KIAA1217: variants seen among roughly 807,000 people sequenced by gnomAD.
KIAA1217 encodes KIAA1217, also known as sickle tail protein homolog.
A neutral mutation model predicts 163.9 loss-of-function variants in KIAA1217; 88 were observed. That is an observed-to-expected ratio of 0.54 (90% confidence interval 0.45 to 0.64). The LOEUF (loss-of-function observed/expected upper bound fraction) is 0.64. Ranked by LOEUF, KIAA1217 falls within the 30% of genes least tolerant of loss-of-function variation. KIAA1217 has a pLI of 0.00. For synonymous variants in KIAA1217, 903 were observed against 923.1 expected (o/e 0.98, Z 0.39); for missense variants, 2,372 against 2,475.0 (o/e 0.96, Z 0.88).
chr10:24,372,131 G>A (rs60704280), intron 2 of KIAA1217, among the ~76,000 whole-genome samples: 2 of 151,960 alleles, frequency 1.3e-5, no homozygotes, highest in Non-Finnish European at 2.9e-5. Flanking sequence ...GGGTTTGGTC[G>A]AGGTTCTGCT....
chr10:23,858,194 G>A (rs1244455818), intron 1 of KIAA1217, among the ~76,000 whole-genome samples: 1 of 152,042 alleles, frequency 6.6e-6, no homozygotes, highest in East Asian at 1.9e-4. Context: ...AATCCTGCCA[G>A]GTCTCAGTTT....
chr10:24,008,907 A>G (rs754035427), intron 2 of KIAA1217, among the ~76,000 whole-genome samples: 17 of 152,176 alleles, frequency 1.1e-4, no homozygotes, highest in Non-Finnish European at 1.9e-4. Context: ...GACTACCATA[A>G]ATAACCTGTG....
intron 1 of KIAA1217, among the ~76,000 whole-genome samples, chr10:23,730,390 G>A (rs374238581): frequency 2.3e-4 from 35 of 152,108 alleles, no homozygotes; most frequent in Non-Finnish European, 3.5e-4. Flanking sequence ...ACTGTTTGGC[G>A]AATACCGTAC....
At position 24,526,242 on chromosome 10, in the gene KIAA1217, G is replaced by A. The variant is rs528075233; in HGVS notation, c.2898+1478G>A. Among the ~76,000 whole-genome samples, 21 of 152,130 alleles carry A rather than the reference G, an allele frequency of 1.4e-4. No homozygotes were observed. The South Asian group carries it at 3.3e-3, about 24-fold the overall frequency. ...TGGCAAAACTGCCACAGCCACGGTC[G>A]CAGCCTCGGGGCCTCTGAACACTAG... On this transcript the variant is annotated intron_variant, in intron 13 of 20. Coordinates refer to ENST00000376454, the MANE Select transcript of KIAA1217 (RefSeq NM_019590.5).
intron 2 of KIAA1217, among the ~76,000 whole-genome samples, chr10:24,070,874 A>G (rs2131627945): frequency 6.6e-6 from 1 of 152,314 alleles, no homozygotes; most frequent in Middle Eastern, 3.4e-3. Context: ...TATTCAGAAC[A>G]TGTATATGGA....
At chr10:23,981,327 C>T (rs1487621709) in intron 1 of KIAA1217, among the ~76,000 whole-genome samples, 1 of 152,132 alleles carries the variant, frequency 6.6e-6, no homozygotes, top group Non-Finnish European at 1.5e-5. Flanking sequence ...TTAACAGCTT[C>T]ATCTCTGAGT....
chr10:24,098,261 G>A (rs1324666752), intron 2 of KIAA1217, among the ~76,000 whole-genome samples: 1 of 152,080 alleles, frequency 6.6e-6, no homozygotes, highest in African/African-American at 2.4e-5. Flanking sequence ...AGTTAGGTGT[G>A]AGCTGAGATT....
chr10:24,222,242 T>C (rs1251183275), intron 2 of KIAA1217, among the ~76,000 whole-genome samples: 1 of 152,228 alleles, frequency 6.6e-6, no homozygotes, highest in Non-Finnish European at 1.5e-5. Context: ...AGTTCTGCCA[T>C]GGCTGGCCAG....
chr10:24,132,798 G>C (rs1435476553), intron 2 of KIAA1217, among the ~76,000 whole-genome samples: 1 of 152,194 alleles, frequency 6.6e-6, no homozygotes, highest in Non-Finnish European at 1.5e-5. Flanking sequence ...AAAGACACCG[G>C]ATGAGGCTGG....
chr10:24,471,081 T>G (rs1564740760), intron 5 of KIAA1217, among the ~76,000 whole-genome samples: 1 of 152,230 alleles, frequency 6.6e-6, no homozygotes, highest in Non-Finnish European at 1.5e-5. Flanking sequence ...TGAATTTTTG[T>G]GATAAAGAAG....
intron 1 of KIAA1217, among the ~76,000 whole-genome samples, chr10:23,862,267 A>C (rs766146780): frequency 2.0e-4 from 31 of 152,278 alleles, no homozygotes; most frequent in South Asian, 4.1e-4. Flanking sequence ...AATATGAATA[A>C]ACATGAACCT....
intron 1 of KIAA1217, among the ~76,000 whole-genome samples, chr10:24,209,774 G>T (rs1342598496): frequency 6.6e-6 from 1 of 152,184 alleles, no homozygotes; most frequent in Non-Finnish European, 1.5e-5. Context: ...GCAGGGGAGG[G>T]CTTGAGCATC....
intron 1 of KIAA1217, among the ~76,000 whole-genome samples, chr10:23,789,707 C>T (rs983603445): frequency 6.6e-6 from 1 of 151,824 alleles, no homozygotes; most frequent in African/African-American, 2.4e-5. Flanking sequence ...CTCATAATTG[C>T]GCTGACTCTG....
chr10:24,116,430 T>C (rs2063057557), intron 2 of KIAA1217, among the ~76,000 whole-genome samples: 1 of 152,102 alleles, frequency 6.6e-6, no homozygotes, highest in Non-Finnish European at 1.5e-5. Context: ...ACTCTGCCGT[T>C]GTGGCAGGAA....
intron 17 of KIAA1217, among the ~76,000 whole-genome samples, chr10:24,540,163 T>C (rs565157418): frequency 4.5e-4 from 69 of 152,356 alleles, no homozygotes; most frequent in African/African-American, 1.7e-3. Flanking sequence ...TTTATCCTAG[T>C]GACTTTCCAT....
At chr10:23,869,771 C>G (rs1840372084) in intron 1 of KIAA1217, among the ~76,000 whole-genome samples, 1 of 152,060 alleles carries the variant, frequency 6.6e-6, no homozygotes, top group Admixed American at 6.6e-5. Context: ...TGATTGATTT[C>G]ATTATTTGTG....
rs113844185 is a variant in KIAA1217, at chr10:24,108,735, G to A, written c.-171+101361G>A. Among the ~76,000 whole-genome samples the A allele has an allele frequency of 6.4e-4, 98 of 152,226 alleles. 1 individual carries two copies. Among genetic ancestry groups the A allele is most frequent in the African/African-American group, 2.1e-3 (89 of 41,522 alleles). On this transcript the variant is annotated intron_variant, in intron 2 of 18. Transcript: ENST00000376462. Reference sequence around the variant, plus strand: ...TTCAATCATGCCAAGATCTAAATATGGCCCCTCAATTGGAAAGTAGATGGG... The same window carrying A: ...TTCAATCATGCCAAGATCTAAATATAGCCCCTCAATTGGAAAGTAGATGGG...
intron 2 of KIAA1217, among the ~76,000 whole-genome samples, chr10:24,087,708 C>T (rs984167764): frequency 2.0e-5 from 3 of 152,182 alleles, no homozygotes; most frequent in Non-Finnish European, 4.4e-5. Flanking sequence ...TACAGTCTAG[C>T]CCATGAAGAA....
intron 3 of KIAA1217, among the ~76,000 whole-genome samples, chr10:24,409,605 A>G (rs997083473): frequency 1.3e-5 from 2 of 152,156 alleles, no homozygotes; most frequent in Admixed American, 6.5e-5. Flanking sequence ...AAAATTTTTT[A>G]TTTCCATAGG....
Sources: gnomAD v4.1 joint callset for allele counts (sites outside exome capture counted in the v4.1 genomes callset) on GRCh38, gnomAD v4.1.1 for gene constraint, MANE v1.5 for transcripts, NCBI Gene and HGNC (gene_info 2026-07-23, HGNC 2026-07-21) for gene names.